RALGPS1: variants seen among roughly 807,000 people sequenced by gnomAD.
RALGPS1 encodes Ral GEF with PH domain and SH3 binding motif 1.
Under a neutral mutation model 78.8 loss-of-function variants are expected in RALGPS1, and 19 were observed. The observed-to-expected ratio is 0.24, with a 90% CI of 0.17 to 0.35. The LOEUF is 0.35. Ranked by LOEUF, RALGPS1 falls within the 10% of genes least tolerant of loss-of-function variation. The pLI is 1.00. For missense variants in RALGPS1, 454 were observed against 688.3 expected (o/e 0.66, Z 3.81); for synonymous variants, 228 against 256.3 (o/e 0.89, Z 1.06).
chr9:126,960,576 G>A (rs999964673), intron 1 of RALGPS1, among the ~76,000 whole-genome samples: 1 of 152,064 alleles, frequency 6.6e-6, no homozygotes, highest in Non-Finnish European at 1.5e-5. Context: ...GCCAGGCCCT[G>A]TGACTGAGGG....
chr9:127,046,657 G>A (rs1431386305), intron 5 of RALGPS1, among the ~76,000 whole-genome samples: 1 of 139,630 alleles, frequency 7.2e-6, no homozygotes, highest in Non-Finnish European at 1.5e-5. Context: ...GTGACATAGT[G>A]AGACCCCATC....
intron 4 of RALGPS1, among the ~76,000 whole-genome samples, chr9:127,031,071 C>T (rs149257449): frequency 2.0e-5 from 3 of 152,228 alleles, no homozygotes; most frequent in Non-Finnish European, 2.9e-5. Context: ...AAGGGCTGTG[C>T]GACAGTCCCT....
At chr9:127,168,538 C>A in intron 9 of RALGPS1, 141 bp from the exon 10 acceptor site, 1 of 673,036 alleles carries the variant, frequency 1.5e-6, no homozygotes, top group East Asian at 2.6e-5. Context: ...GGCCAGTCCC[C>A]AAAGAGCATC....
At chr9:127,194,888 T>G (rs746577905) in intron 11 of RALGPS1, among the ~76,000 whole-genome samples, 16 of 151,850 alleles carry the variant, frequency 1.1e-4, no homozygotes, top group Non-Finnish European at 1.9e-4. Context: ...GCCTTGGGAG[T>G]CAAGTACTAT....
chr9:126,935,002 C>T (rs1257636560), intron 1 of RALGPS1, among the ~76,000 whole-genome samples: 3 of 152,188 alleles, frequency 2.0e-5, no homozygotes, highest in South Asian at 2.1e-4. Context: ...TAAGGAACTA[C>T]GAACTGGTTG....
intron 8 of RALGPS1, among the ~76,000 whole-genome samples, chr9:127,156,391 C>T (rs1279054876): frequency 1.3e-5 from 2 of 152,122 alleles, no homozygotes; most frequent in African/African-American, 4.8e-5. Flanking sequence ...TCAATTTATG[C>T]TGTAGTCACT....
chr9:127,089,469 C>G (rs1028410612), intron 8 of RALGPS1, among the ~76,000 whole-genome samples: 1 of 152,148 alleles, frequency 6.6e-6, no homozygotes, highest in Non-Finnish European at 1.5e-5. Context: ...ACACCTAGCC[C>G]AGGGCTGGGT....
intron 8 of RALGPS1, among the ~76,000 whole-genome samples, chr9:127,111,853 T>G (rs902935279): frequency 2.0e-5 from 3 of 152,226 alleles, no homozygotes; most frequent in Admixed American, 1.3e-4. Context: ...ACCTGCTAAC[T>G]CTTAACGATG....
At chr9:127,081,866 G>A (rs1287530537) in intron 8 of RALGPS1, among the ~76,000 whole-genome samples, 8 of 152,224 alleles carry the variant, frequency 5.3e-5, no homozygotes, top group Admixed American at 2.0e-4. Context: ...AGGAGGTGCC[G>A]CATGTGGCAG....
intron 8 of RALGPS1, among the ~76,000 whole-genome samples, chr9:127,140,643 G>A (rs1171529875): frequency 2.6e-5 from 4 of 152,210 alleles, no homozygotes; most frequent in Non-Finnish European, 5.9e-5. Flanking sequence ...ACTTCACAGT[G>A]ATGGGATTAT....
intron 4 of RALGPS1, among the ~76,000 whole-genome samples, chr9:126,998,576 A>G (rs2042990297): frequency 2.0e-5 from 3 of 152,210 alleles, no homozygotes; most frequent in Admixed American, 2.0e-4. Flanking sequence ...GTGGGACTGT[A>G]AAACCAGTTC....
chr9:127,218,390 T>C lies in RALGPS1; in HGVS notation c.1645-350T>C, dbSNP rs1271366063. Among the ~76,000 whole-genome samples, 3 of 152,198 alleles carry C rather than the reference T, an allele frequency of 2.0e-5. No homozygotes were observed. The highest frequency in any genetic ancestry group is 4.4e-5 in the Non-Finnish European group (3 of 68,038). On this transcript the variant is annotated intron_variant, in intron 18 of 18. Coordinates refer to ENST00000259351, the MANE Select transcript of RALGPS1 (RefSeq NM_014636.3). This position sits in a 1 kb window ranked among gnomAD's most constrained non-coding sequence, Gnocchi z 4.4. ...GCAGTTTGATTTTCACTGAAGGAGA[T>C]AGGTTAAGAGCATGGGCTCTGGGTT... is the stretch of plus-strand genomic sequence containing the variant.
intron 3 of RALGPS1, among the ~76,000 whole-genome samples, chr9:126,969,936 C>T (rs1173818319): frequency 6.6e-6 from 1 of 152,132 alleles, no homozygotes; most frequent in Non-Finnish European, 1.5e-5. Flanking sequence ...GAAACCAGGT[C>T]TCTGGAGTCT....
intron 1 of RALGPS1, among the ~76,000 whole-genome samples, chr9:126,930,683 T>C (rs2035711488): frequency 6.6e-6 from 1 of 152,234 alleles, no homozygotes; most frequent in South Asian, 2.1e-4. Flanking sequence ...GGTCTTGAAC[T>C]CCTGGCCTCA....
chr9:127,072,874 C>T (rs1335879276), intron 8 of RALGPS1, among the ~76,000 whole-genome samples: 1 of 152,126 alleles, frequency 6.6e-6, no homozygotes, highest in Non-Finnish European at 1.5e-5. Flanking sequence ...CTTGCTTTTA[C>T]TTCTATTGTC....
At chr9:126,982,565 T>C (rs1206428894) in intron 4 of RALGPS1, among the ~76,000 whole-genome samples, 1 of 152,158 alleles carries the variant, frequency 6.6e-6, no homozygotes, top group African/African-American at 2.4e-5. Context: ...GCGGTTAAAG[T>C]CTTTATTCAG....
intron 4 of RALGPS1, among the ~76,000 whole-genome samples, chr9:126,999,496 C>T (rs1463867216): frequency 2.0e-5 from 3 of 152,334 alleles, no homozygotes; most frequent in African/African-American, 7.2e-5. Flanking sequence ...CTTCTTCTCT[C>T]TTAACCCCTG....
At chr9:126,945,699 A>G (rs2037194483) in intron 1 of RALGPS1, among the ~76,000 whole-genome samples, 1 of 152,154 alleles carries the variant, frequency 6.6e-6, no homozygotes, top group African/African-American at 2.4e-5. Context: ...GACACTGCAC[A>G]CAGGGTGTTC....
Position 127,218,613 on chromosome 9 carries a change from C to A in RALGPS1, c.1645-127C>A. 1 of 978,086 alleles carries A rather than the reference C, an allele frequency of 1.0e-6. No homozygotes were observed. The allele number at this position is 978,086 out of a possible 1,614,324, so 60.6% of individuals were successfully genotyped here. ...GGGTGGCTATTGTTATTGCCATACC[C>A]TCTCCCTACCCAACCTGCTCATTCC... is the stretch of plus-strand genomic sequence containing the variant. On this transcript the variant is annotated intron_variant, in intron 18 of 18. Coordinates refer to ENST00000259351, the MANE Select transcript of RALGPS1 (RefSeq NM_014636.3). The surrounding 1 kb of genome is among the most constrained non-coding windows in gnomAD (Gnocchi z 4.4).
Sources: gnomAD v4.1 joint callset for allele counts (sites outside exome capture counted in the v4.1 genomes callset) on GRCh38, gnomAD v4.1.1 for gene constraint, Gnocchi (gnomAD v3.1) non-coding constraint, MANE v1.5 for transcripts, NCBI Gene and HGNC (gene_info 2026-07-23, HGNC 2026-07-21) for gene names.